Variants in INTU observed in about 807,000 individuals in gnomAD.
INTU encodes the protein inturned planar cell polarity protein.
Under a neutral mutation model 100.5 loss-of-function variants are expected in INTU, and 68 were observed. The observed-to-expected ratio is 0.68, with a 90% CI of 0.56 to 0.83. The LOEUF (loss-of-function observed/expected upper bound fraction) is 0.83. Among genes scored for constraint, INTU ranks in the 40% least tolerant of loss-of-function variants. The pLI, the probability that INTU is intolerant of heterozygous loss-of-function variation, is 0.00. For missense variants in INTU, 1,071 were observed against 1,114.7 expected (o/e 0.96, Z 0.56); for synonymous variants, 357 against 395.7 (o/e 0.90, Z 1.16).
chr4:127,682,709 A>G (rs1456050035), intron 6 of INTU, among the ~76,000 whole-genome samples: 2 of 152,022 alleles, frequency 1.3e-5, no homozygotes, highest in Non-Finnish European at 2.9e-5. Flanking sequence ...ACTAACCTGC[A>G]CATTGTGCAC....
In INTU at chr4:127,706,480, C is replaced by G; in HGVS notation, c.1789-7C>G. ...TAAACCTACATTTGTAATTTTTTTC[C>G]CTATAGAAACATTATATGCTATGTG... is the stretch of plus-strand genomic sequence containing the variant. On this transcript the variant is annotated splice_polypyrimidine_tract_variant and splice_region_variant and intron_variant, in intron 11 of 15. Coordinates refer to ENST00000335251, the MANE Select transcript of INTU (RefSeq NM_015693.4). 1.9e-6 allele frequency: 3 copies of G among 1,579,542 alleles called. No homozygotes were observed. Among genetic ancestry groups the G allele is most frequent in the Non-Finnish European group, 2.6e-6 (3 of 1,163,068 alleles).
chr4:127,711,134 C>T (rs1262729291), intron 14 of INTU, 32 bp downstream of exon 14: 1 of 1,453,780 alleles, frequency 6.9e-7, no homozygotes, highest in Non-Finnish European at 9.3e-7. Context: ...AGTTTTCTGC[C>T]AGTTTAATTT....
At chr4:127,707,410 A>G (rs2148733286) in intron 12 of INTU, among the ~76,000 whole-genome samples, 1 of 151,230 alleles carries the variant, frequency 6.6e-6, no homozygotes, top group South Asian at 2.1e-4. Flanking sequence ...AAAAAAAAAA[A>G]AAAAAAAGAA....
chr4:127,656,743 A>G, intron 3 of INTU, 22 bp downstream of exon 3: 20 of 1,440,898 alleles, frequency 1.4e-5, no homozygotes, highest in Non-Finnish European at 1.9e-5. Context: ...CTTTTTCTAT[A>G]TTTTATGATG....
chr4:127,723,383 T>C lies in INTU; in HGVS notation c.*6947T>C, dbSNP rs531547758. ...CTTTGACCATCTGGGCTCTCTGTTC[T>C]ACTTTTTTTTTTTTTTTTTTTGCCT... On this transcript the variant is annotated 3_prime_UTR_variant, in exon 16 of 16. Coordinates refer to ENST00000335251, the MANE Select transcript of INTU (RefSeq NM_015693.4). The C allele has an allele frequency of 8.4e-4, 120 of 142,904 alleles. 1 individual carries two copies. Among genetic ancestry groups the C allele is most frequent in the African/African-American group, 3.1e-3 (112 of 35,836 alleles). The allele number at this position is 142,904 out of a possible 1,614,324, so 8.9% of individuals were successfully genotyped here.
Position 127,633,031 on chromosome 4 carries a change from G to C in INTU, c.-4G>C. On this transcript the variant is annotated 5_prime_UTR_variant, in exon 1 of 16. Transcript: ENST00000335251. ...CTCCACTCGTAGCTATTGCATTCCT[G>C]ACGATGGCCTCTGTGGCTTCGTGCG... 1 of 1,611,738 alleles carries C rather than the reference G, an allele frequency of 6.2e-7. No individual in the cohort carries two copies. Among genetic ancestry groups the C allele is most frequent in the Non-Finnish European group, 8.5e-7 (1 of 1,178,318 alleles).
At chr4:127,677,899 T>C (rs1729306337) in intron 6 of INTU, among the ~76,000 whole-genome samples, 1 of 152,170 alleles carries the variant, frequency 6.6e-6, no homozygotes, top group South Asian at 2.1e-4. Context: ...TACAGAGAAG[T>C]GCTTAAAGGA....
intron 15 of INTU, 49 bp downstream of exon 15, chr4:127,714,142 A>C (rs1731185067): frequency 6.7e-7 from 1 of 1,487,152 alleles, no homozygotes; most frequent in Admixed American, 1.9e-5. Context: ...GAAAAGTGAA[A>C]GAAAAGTGGT....
intron 6 of INTU, among the ~76,000 whole-genome samples, chr4:127,682,188 C>T (rs1729597824): frequency 6.6e-6 from 1 of 152,090 alleles, no homozygotes; most frequent in African/African-American, 2.4e-5. Flanking sequence ...TTGTGGAAGT[C>T]AGTGTGGCGA....
At position 127,719,876 on chromosome 4, in the gene INTU, T is replaced by G. The variant is rs1328337731; in HGVS notation, c.*3440T>G. 1 of 152,168 alleles carries G rather than the reference T, an allele frequency of 6.6e-6. No individual in the cohort carries two copies. Among genetic ancestry groups the G allele is most frequent in the Non-Finnish European group, 1.5e-5 (1 of 68,040 alleles). 9.4% of individuals were successfully genotyped at this position (152,168 alleles called of 1,614,324 possible). A position where few individuals can be genotyped will look rare whatever the true frequency, so the allele number is the denominator to read the frequency against. On this transcript the variant is annotated 3_prime_UTR_variant, in exon 16 of 16. Coordinates refer to ENST00000335251, the MANE Select transcript of INTU (RefSeq NM_015693.4). ...GTCTATTTGGTTCTTCTCTCTTTTCTTCTTTATTAGTCTAGCTAATAGTCT... is the reference window on the plus strand; with the variant it reads ...GTCTATTTGGTTCTTCTCTCTTTTCGTCTTTATTAGTCTAGCTAATAGTCT...
rs1478805061 is a variant in INTU at position 127,720,212 on chromosome 4, GATTT to G, written c.*3777_*3780del. The G allele has an allele frequency of 6.6e-6, 1 of 152,054 alleles. No individual in the cohort carries two copies. Among genetic ancestry groups the G allele is most frequent in the African/African-American group, 2.4e-5 (1 of 41,414 alleles). The allele number at this position is 152,054 out of a possible 1,614,324, so 9.4% of individuals were successfully genotyped here. A position where few individuals can be genotyped will look rare whatever the true frequency, so the allele number is the denominator to read the frequency against. ...TTTCATTGGTTTCAAAGAACTTCTTGATTTCTCTCTTAATTTCATTATTTACCCA... is the reference window on the plus strand; with the variant it reads ...TTTCATTGGTTTCAAAGAACTTCTTGCTCTCTTAATTTCATTATTTACCCA... On this transcript the variant is annotated 3_prime_UTR_variant, in exon 16 of 16. Coordinates refer to ENST00000335251, the MANE Select transcript of INTU (RefSeq NM_015693.4).
chr4:127,716,330 T>A lies in INTU; in HGVS notation c.2723T>A (p.Leu908His). The change falls in exon 16 of 16, where the codon CTT becomes CAT. Residue 908 changes from leucine to histidine, a missense_variant. Physicochemically the swap from Leu to His is moderately conservative, Grantham distance 99. Coordinates refer to ENST00000335251, the MANE Select transcript of INTU (RefSeq NM_015693.4). ...TGTGTTCTTTTCTTCTGCAGGAGAC[T>A]TTTTCTTCATCCAAAACCTCAAGAA... ...PVMAYWVVGR[L>H]FLHPKPQELY... The A allele has an allele frequency of 6.5e-7, 1 of 1,535,736 alleles. No individual in the cohort carries two copies. The highest frequency in any genetic ancestry group is 1.2e-5 in the South Asian group (1 of 80,584).
At chr4:127,665,894 G>A (rs1387751135) in intron 4 of INTU, among the ~76,000 whole-genome samples, 2 of 152,152 alleles carry the variant, frequency 1.3e-5, no homozygotes, top group South Asian at 2.1e-4. Context: ...TGTGTGGCCA[G>A]GAAGAAGATC....
At chr4:127,646,673 G>T (rs1727605108) in intron 2 of INTU, among the ~76,000 whole-genome samples, 1 of 152,104 alleles carries the variant, frequency 6.6e-6, no homozygotes, top group African/African-American at 2.4e-5. Context: ...AGGAAAGGCA[G>T]GATAAATGTC....
chr4:127,648,774 C>T (rs968161852), intron 2 of INTU, among the ~76,000 whole-genome samples: 10 of 150,248 alleles, frequency 6.7e-5, no homozygotes, highest in African/African-American at 2.4e-4. Context: ...TGATATAGTA[C>T]TTTTGTTTAA....
In INTU at chr4:127,698,635, C is replaced by T. The variant is rs187034184; in HGVS notation, c.1450-1375C>T. Among the ~76,000 whole-genome samples, 420 of 152,140 alleles carry T rather than the reference C, an allele frequency of 2.8e-3. 4 individuals carry two copies. The highest frequency in any genetic ancestry group is 9.5e-3 in the African/African-American group (396 of 41,494). On this transcript the variant is annotated intron_variant, in intron 8 of 15. Transcript: ENST00000335251. ...GAGGTCTTACTTTAGTTTTTCTTCCCAGATATTTGAGAATTTTCCTCATTT... is the reference window on the plus strand; with the variant it reads ...GAGGTCTTACTTTAGTTTTTCTTCCTAGATATTTGAGAATTTTCCTCATTT...
At position 127,716,313 on chromosome 4, in the gene INTU, T is replaced by C; in HGVS notation, c.2718-12T>C. The C allele has an allele frequency of 7.4e-7, 1 of 1,350,244 alleles. No homozygotes were observed. Among genetic ancestry groups the C allele is most frequent in the South Asian group, 1.4e-5 (1 of 72,522 alleles). 83.6% of individuals were successfully genotyped at this position (1,350,244 alleles called of 1,614,324 possible). A position where few individuals can be genotyped will look rare whatever the true frequency, so the allele number is the denominator to read the frequency against. Reference sequence around the variant, plus strand: ...TTAATTTCTGAAATGAGTGTGTTCTTTTCTTCTGCAGGAGACTTTTTCTTC... The same window carrying C: ...TTAATTTCTGAAATGAGTGTGTTCTCTTCTTCTGCAGGAGACTTTTTCTTC... On this transcript the variant is annotated splice_polypyrimidine_tract_variant and intron_variant, in intron 15 of 15. Transcript: ENST00000335251.
At chr4:127,640,112 A>G (rs544241735) in intron 1 of INTU, among the ~76,000 whole-genome samples, 1 of 152,260 alleles carries the variant, frequency 6.6e-6, no homozygotes, top group Non-Finnish European at 1.5e-5. Flanking sequence ...CAAGAGTTAT[A>G]TCTAGTAAAA....
rs1730774261 is a variant in INTU, at chr4:127,704,225, C to T, written c.1504-3C>T. On this transcript the variant is annotated splice_region_variant and splice_polypyrimidine_tract_variant and intron_variant, in intron 9 of 15. Coordinates refer to ENST00000335251, the MANE Select transcript of INTU (RefSeq NM_015693.4). ...TAAAATCCACTATGAATTTTTCCCC[C>T]AGTCCGAGGATTACTATGACATGAG... is the stretch of plus-strand genomic sequence containing the variant. The T allele has an allele frequency of 6.2e-7, 1 of 1,602,110 alleles. No homozygotes were observed. The highest frequency in any genetic ancestry group is 1.7e-4 in the Middle Eastern group (1 of 6,006).
Sources: allele counts gnomAD v4.1 joint callset (sites outside exome capture counted in the v4.1 genomes callset), GRCh38; gene constraint gnomAD v4.1.1; transcripts MANE v1.5; gene names NCBI Gene and HGNC (gene_info 2026-07-23, HGNC 2026-07-21).